The following SEPTIN9 variants were observed in gnomAD, a reference collection of about 807,000 sequenced individuals.
SEPTIN9 encodes the protein septin 9, also known as septin-9.
A neutral mutation model predicts 56.6 loss-of-function variants in SEPTIN9; 13 were observed. That is an observed-to-expected ratio of 0.23 (90% CI 0.15 to 0.37). SEPTIN9 has a LOEUF of 0.37. Among genes scored for constraint, SEPTIN9 ranks in the 10% least tolerant of loss-of-function variants. The pLI is 1.00. For synonymous variants in SEPTIN9, 332 were observed against 334.1 expected (o/e 0.99, Z 0.07); for missense variants, 650 against 823.1 (o/e 0.79, Z 2.57).
rs548654768 is a variant in SEPTIN9 at position 77,412,277 on chromosome 17, A to G, written c.721+9574A>G. 1.2e-4 allele frequency among the ~76,000 whole-genome samples: 19 copies of G among 152,072 alleles called. 1 individual carries two copies. Among genetic ancestry groups the G allele is most frequent in the Admixed American group, 1.1e-3 (17 of 15,262 alleles). On this transcript the variant is annotated intron_variant, in intron 3 of 11. Transcript: ENST00000427177. ...AGTGATGGTCCAGCAGGGAGGTCCT[A>G]TGCCCCTTACCCCTGGCTGAGGGCC...
At chr17:77,320,403 C>A (rs2032869895) in intron 2 of SEPTIN9, 3 of 1,474,992 alleles carry the variant, frequency 2.0e-6, no homozygotes, top group Admixed American at 3.3e-5. Flanking sequence ...GGACTCGGGG[C>A]TTTATTTATG....
intron 2 of SEPTIN9, among the ~76,000 whole-genome samples, chr17:77,383,987 G>A (rs2035238838): frequency 6.6e-6 from 1 of 152,210 alleles, no homozygotes; most frequent in Admixed American, 6.5e-5. Context: ...GCCCTTCTTA[G>A]GCTTCTACTA....
intron 1 of SEPTIN9, among the ~76,000 whole-genome samples, chr17:77,296,452 T>G (rs964675660): frequency 6.6e-6 from 1 of 150,520 alleles, no homozygotes; most frequent in South Asian, 2.1e-4. Flanking sequence ...GACAGAGAGA[T>G]AGAGACAGAC....
In SEPTIN9 at chr17:77,488,303, A is replaced by G; in HGVS notation, c.1106A>G (p.His369Arg). 6.2e-7 allele frequency: 1 copy of G among 1,613,650 alleles called. No homozygotes were observed. Among genetic ancestry groups the G allele is most frequent in the South Asian group, 1.1e-5 (1 of 91,088 alleles). The change falls in exon 6 of 12, where the codon CAC becomes CGC. Residue 369 changes from histidine (H) to arginine (R), a missense_variant. This residue lies in a region of SEPTIN9 where 333 missense variants were observed against 494.0 expected (regional missense o/e 0.67). Transcript: ENST00000427177. The part of the protein sequence containing the change: ...TVIDTPGFGD[H>R]INNENCWQPI... ...ATTGACACACCAGGGTTCGGGGACC[A>G]CATCAACAACGAGAACTGGTGAGGC...
At chr17:77,409,461 CG>C (rs2036211273) in intron 3 of SEPTIN9, among the ~76,000 whole-genome samples, 1 of 151,536 alleles carries the variant, frequency 6.6e-6, no homozygotes, top group African/African-American at 2.4e-5. Context: ...GGGAATGCAG[CG>C]GGTGCCGAGC....
intron 2 of SEPTIN9, among the ~76,000 whole-genome samples, chr17:77,364,952 A>G (rs1472527263): frequency 6.6e-6 from 1 of 152,216 alleles, no homozygotes; most frequent in Admixed American, 6.5e-5. Context: ...CCAGTTCTCT[A>G]AAGGGCCCCA....
In SEPTIN9 at chr17:77,369,862, G is replaced by A. The variant is rs1220105612; in HGVS notation, c.77-32197G>A. Among the ~76,000 whole-genome samples, 1 of 152,214 alleles carries A rather than the reference G, an allele frequency of 6.6e-6. No individual in the cohort carries two copies. The highest frequency in any genetic ancestry group is 1.5e-5 in the Non-Finnish European group (1 of 68,040). Reference sequence around the variant, plus strand: ...GTGCGCCAAACGCTGCTTCCTCGTGGATTTCCTCCCCACTCCGTTCCCACG... The same window carrying A: ...GTGCGCCAAACGCTGCTTCCTCGTGAATTTCCTCCCCACTCCGTTCCCACG... On this transcript the variant is annotated intron_variant, in intron 2 of 11. Coordinates refer to ENST00000427177, the MANE Select transcript of SEPTIN9 (RefSeq NM_001113491.2). This position sits in a 1 kb window ranked among gnomAD's most constrained non-coding sequence, Gnocchi z 4.9.
chr17:77,290,739 C>T (rs1310720527), intron 1 of SEPTIN9, among the ~76,000 whole-genome samples: 51 of 150,444 alleles, frequency 3.4e-4, no homozygotes, highest in Non-Finnish European at 3.4e-4. Flanking sequence ...GGCATGAACC[C>T]GGAAGGCGGA....
chr17:77,372,584 C>T (rs779075148), intron 2 of SEPTIN9, among the ~76,000 whole-genome samples: 12 of 152,324 alleles, frequency 7.9e-5, no homozygotes, highest in Middle Eastern at 3.4e-3. Context: ...TCTCAGGAGG[C>T]CCTTATTGTG....
chr17:77,458,698 G>A (rs1030499033), intron 3 of SEPTIN9, among the ~76,000 whole-genome samples: 3 of 152,314 alleles, frequency 2.0e-5, no homozygotes, highest in Admixed American at 1.3e-4. Context: ...CAACCACATG[G>A]CAGCCACGGG....
chr17:77,307,792 C>A (rs7210195), intron 2 of SEPTIN9, among the ~76,000 whole-genome samples: 1 of 152,180 alleles, frequency 6.6e-6, no homozygotes, highest in African/African-American at 2.4e-5. Context: ...GTCCAGGACA[C>A]GAGTTACAGC....
rs964359142 is a variant in SEPTIN9 at position 77,434,294 on chromosome 17, G to A, written c.721+31591G>A. 1.4e-4 allele frequency among the ~76,000 whole-genome samples: 21 copies of A among 152,152 alleles called. No individual in the cohort carries two copies. Among genetic ancestry groups the A allele is most frequent in the East Asian group, 3.9e-4 (2 of 5,190 alleles). ...TCAGACTTACCCTCCTTGTGCCTCC[G>A]TTCACCCTGTCCACCCGCAGGGCCT... On this transcript the variant is annotated intron_variant, in intron 3 of 11. Transcript: ENST00000427177. This position sits in a 1 kb window ranked among gnomAD's most constrained non-coding sequence, Gnocchi z 5.0.
intron 2 of SEPTIN9, among the ~76,000 whole-genome samples, chr17:77,350,642 C>T (rs1258612049): frequency 4.3e-5 from 4 of 92,844 alleles, no homozygotes; most frequent in African/African-American, 1.7e-4. Context: ...TGTGTGTCCC[C>T]ACATGCATTA....
intron 4 of SEPTIN9, among the ~76,000 whole-genome samples, chr17:77,484,623 G>GGT (rs2039618018): frequency 2.0e-5 from 2 of 98,530 alleles, no homozygotes; most frequent in African/African-American, 1.0e-4. Flanking sequence ...GTGGTGATGG[G>GGT]GATGATGATG....
intron 3 of SEPTIN9, among the ~76,000 whole-genome samples, chr17:77,438,045 G>A (rs1006761911): frequency 9.2e-5 from 14 of 152,374 alleles, no homozygotes; most frequent in African/African-American, 2.9e-4. Context: ...CGTGTGGGCC[G>A]GGGCTTTCAG....
chr17:77,486,487 G>GGGGT (rs1555679076), intron 4 of SEPTIN9, among the ~76,000 whole-genome samples: 1 of 143,644 alleles, frequency 7.0e-6, no homozygotes, highest in Non-Finnish European at 1.5e-5. Flanking sequence ...AGTCTGGAGG[G>GGGGT]GTGTGTGTGT....
At chr17:77,442,521 A>T (rs1598381710) in intron 3 of SEPTIN9, among the ~76,000 whole-genome samples, 1 of 151,468 alleles carries the variant, frequency 6.6e-6, no homozygotes, top group African/African-American at 2.4e-5. Flanking sequence ...AAAAAAAAAA[A>T]AAAAAAAGAA....
intron 7 of SEPTIN9, among the ~76,000 whole-genome samples, chr17:77,490,489 C>T (rs1246789987): frequency 6.6e-6 from 1 of 152,220 alleles, no homozygotes; most frequent in Non-Finnish European, 1.5e-5. Flanking sequence ...AACTCATGGA[C>T]GAGGGTGCTT....
At chr17:77,378,958 G>A (rs898428150) in intron 2 of SEPTIN9, among the ~76,000 whole-genome samples, 7 of 152,068 alleles carry the variant, frequency 4.6e-5, no homozygotes, top group African/African-American at 1.7e-4. Context: ...CAGCGGGGGC[G>A]CTGGCAGCCT....
Sources: gnomAD v4.1 joint callset for allele counts (sites outside exome capture counted in the v4.1 genomes callset) on GRCh38, gnomAD v4.1.1 for gene constraint, gnomAD v4.1.1 regional missense constraint, Gnocchi (gnomAD v3.1) non-coding constraint, MANE v1.5 for transcripts, NCBI Gene and HGNC (gene_info 2026-07-23, HGNC 2026-07-21) for gene names.